Variants in EFCAB5 observed in about 807,000 individuals in gnomAD.
The protein encoded by EFCAB5 is EF-hand calcium-binding domain-containing protein 5.
Under a neutral mutation model 167.9 loss-of-function variants are expected in EFCAB5, and 131 were observed. That is an observed-to-expected ratio of 0.78 (90% CI 0.68 to 0.90). The LOEUF (loss-of-function observed/expected upper bound fraction) is 0.90. Among genes scored for constraint, EFCAB5 ranks in the 40% least tolerant of loss-of-function variants. The pLI, the probability that EFCAB5 is intolerant of heterozygous loss-of-function variation, is 0.00. For missense variants in EFCAB5, 1,663 were observed against 1,745.2 expected, an observed-to-expected ratio of 0.95 and a Z score of 0.84; for synonymous variants, 574 against 602.8, an observed-to-expected ratio of 0.95 and a Z score of 0.70.
In EFCAB5 at chr17:30,054,031, A is replaced by T. The variant is rs761995116; in HGVS notation, c.2077A>T (p.Ile693Phe). Residue 693 changes from isoleucine to phenylalanine, a missense_variant, in exon 10 of 23, where the codon ATT becomes TTT. By Grantham distance (21) the Ile-to-Phe change is conservative. Coordinates refer to ENST00000394835, the MANE Select transcript of EFCAB5 (RefSeq NM_198529.4). ...TGGGGAACCTATAACCTCTGAGTAC[A>T]TTGAAGTCCCTCTACAGGAAAAGAG... is the stretch of plus-strand genomic sequence containing the variant. ...KYGEPITSEY[I>F]EVPLQEKRSW... 2.8e-5 allele frequency: 45 copies of T among 1,606,828 alleles called. No individual in the cohort carries two copies. The highest frequency in any genetic ancestry group is 3.4e-6 in the Non-Finnish European group (4 of 1,176,036).
At chr17:29,938,283 C>T (rs2067262187), upstream of EFCAB5, among the ~76,000 whole-genome samples, 1 of 149,646 alleles carries the variant, frequency 6.7e-6, no homozygotes, top group Non-Finnish European at 1.5e-5. Context: ...AAAAAATGTG[C>T]ATATCTTAAT....
At chr17:29,940,247 T>C (rs1288951207), upstream of EFCAB5, among the ~76,000 whole-genome samples, 2 of 152,176 alleles carry the variant, frequency 1.3e-5, no homozygotes, top group African/African-American at 4.8e-5. Flanking sequence ...AGCTACTTTT[T>C]TGTATTTTTA....
At chr17:30,041,264 C>T (rs2069765974) in intron 8 of EFCAB5, among the ~76,000 whole-genome samples, 1 of 150,880 alleles carries the variant, frequency 6.6e-6, no homozygotes, top group Non-Finnish European at 1.5e-5. Flanking sequence ...CCATTAAGAA[C>T]ATTTGTGATT....
intron 4 of EFCAB5, among the ~76,000 whole-genome samples, chr17:29,989,151 T>C (rs1011997755): frequency 6.6e-6 from 1 of 152,222 alleles, no homozygotes; most frequent in Admixed American, 6.5e-5. Context: ...TACATATGGT[T>C]ACTTTCTGTG....
intron 3 of EFCAB5, among the ~76,000 whole-genome samples, chr17:29,968,070 T>C (rs1319090216): frequency 1.3e-5 from 2 of 152,032 alleles, no homozygotes; most frequent in African/African-American, 4.8e-5. Flanking sequence ...AAACAGCATC[T>C]TCCTAATGTT....
At chr17:30,016,640 G>T (rs1188159001) in intron 7 of EFCAB5, among the ~76,000 whole-genome samples, 1 of 152,024 alleles carries the variant, frequency 6.6e-6, no homozygotes, top group Non-Finnish European at 1.5e-5. Flanking sequence ...GTTCCAAAAG[G>T]TAGAAATATG....
chr17:29,930,111 C>T lies in EFCAB5; in HGVS notation c.-127+782C>T, dbSNP rs2067161638. 16 of 897,380 alleles carry T rather than the reference C, an allele frequency of 1.8e-5. No individual in the cohort carries two copies. The South Asian group carries it at 2.3e-4, about 13-fold the overall frequency. The allele number at this position is 897,380 out of a possible 1,614,324, so 55.6% of individuals were successfully genotyped here. On this transcript the variant is annotated intron_variant, in intron 1 of 3. Transcript: ENST00000448319. ...GGGTGCGGGGTGGGGGTGAAGGGAA[C>T]GGGGAGGAGGAGGAGGCCGCGGGAA...
intron 6 of EFCAB5, 124 bp downstream of exon 6, chr17:29,996,484 C>G: frequency 1.4e-6 from 1 of 708,620 alleles, no homozygotes; most frequent in Non-Finnish European, 2.4e-6. Context: ...GGCAATTAGG[C>G]TCTTCCATGC....
At position 30,090,408 on chromosome 17, in the gene EFCAB5, G is replaced by C. The variant is rs939938168; in HGVS notation, c.3684-13G>C. ...TGTTTAATATCCTTGTGCTTATTTG[G>C]TTTTGATTTCAGAGATTTCCTCTTT... On this transcript the variant is annotated splice_polypyrimidine_tract_variant and intron_variant, in intron 19 of 22. Transcript: ENST00000394835. The C allele has an allele frequency of 1.9e-6, 3 of 1,609,152 alleles. No homozygotes were observed. The highest frequency in any genetic ancestry group is 2.7e-5 in the African/African-American group (2 of 74,610).
At chr17:30,022,516 G>T (rs2069205685) in intron 7 of EFCAB5, among the ~76,000 whole-genome samples, 1 of 152,118 alleles carries the variant, frequency 6.6e-6, no homozygotes, top group South Asian at 2.1e-4. Flanking sequence ...ATTCATTGCT[G>T]CTGAGGGATG....
upstream of EFCAB5, among the ~76,000 whole-genome samples, chr17:29,937,493 C>T (rs1195262281): frequency 6.6e-6 from 1 of 152,128 alleles, no homozygotes; most frequent in Admixed American, 6.5e-5. Flanking sequence ...AGCCTCACTC[C>T]TGCTTCTTTC....
chr17:29,933,910 G>A (rs1343916942), intron 1 of EFCAB5, among the ~76,000 whole-genome samples: 1 of 152,050 alleles, frequency 6.6e-6, no homozygotes, highest in East Asian at 1.9e-4. Flanking sequence ...TATTTGTACA[G>A]CACACTGGGA....
At chr17:30,069,504 A>G (rs2070672208) in intron 14 of EFCAB5, 4 of 1,606,206 alleles carry the variant, frequency 2.5e-6, no homozygotes, top group Non-Finnish European at 3.4e-6. Context: ...GGGGCAACTG[A>G]AAATATCAAG....
intron 2 of EFCAB5, among the ~76,000 whole-genome samples, chr17:29,942,849 C>T (rs779199872): frequency 6.6e-6 from 1 of 152,046 alleles, no homozygotes; most frequent in Non-Finnish European, 1.5e-5. Flanking sequence ...ACCGGACTGG[C>T]CAACATAGCG....
At chr17:30,025,857 A>C (rs1165628490) in intron 7 of EFCAB5, among the ~76,000 whole-genome samples, 4 of 152,190 alleles carry the variant, frequency 2.6e-5, no homozygotes, top group Non-Finnish European at 5.9e-5. Context: ...TGATGAGTTC[A>C]CGTCCTTTGT....
chr17:29,994,403 G>A (rs777062994), intron 5 of EFCAB5, among the ~76,000 whole-genome samples: 85 of 151,854 alleles, frequency 5.6e-4, no homozygotes, highest in Non-Finnish European at 1.1e-3. Flanking sequence ...CCATCATGCC[G>A]TGTCTGAGAG....
Position 30,053,187 on chromosome 17 carries a change from A to G in EFCAB5, c.1301-68A>G, listed in dbSNP as rs955325371. 8 of 1,497,446 alleles carry G rather than the reference A, an allele frequency of 5.3e-6. No homozygotes were observed. The African/African-American group carries it at 9.8e-5, about 18-fold the overall frequency. The allele number at this position is 1,497,446 out of a possible 1,614,324, so 92.8% of individuals were successfully genotyped here. ...TGTGCTCAATGCTTTTCTTTGCATT[A>G]ATTTAATAGCTCTAATTCTGCATTA... is the stretch of plus-strand genomic sequence containing the variant. On this transcript the variant is annotated intron_variant, in intron 9 of 22. Coordinates refer to ENST00000394835, the MANE Select transcript of EFCAB5 (RefSeq NM_198529.4).
Position 30,057,715 on chromosome 17 carries a change from A to G in EFCAB5, c.2405A>G (p.Glu802Gly), listed in dbSNP as rs769145644. 6.2e-7 allele frequency: 1 copy of G among 1,613,718 alleles called. No homozygotes were observed. Among genetic ancestry groups the G allele is most frequent in the Non-Finnish European group, 8.5e-7 (1 of 1,179,698 alleles). The change falls in exon 13 of 23, where the codon GAG (glutamate) becomes GGG (glycine). Residue 802 changes from glutamate to glycine, a missense_variant. Transcript: ENST00000394835. ...ATCAGAAATATTCAGTCTTGCAAGG[A>G]GGTAAAAGGCAGAACTGCCTTCAAT... The part of the protein sequence containing the change: ...SIIRNIQSCK[E>G]VKGRTAFNGV...
intron 14 of EFCAB5, among the ~76,000 whole-genome samples, chr17:30,063,151 G>C (rs978841146): frequency 6.6e-6 from 1 of 152,154 alleles, no homozygotes; most frequent in African/African-American, 2.4e-5. Context: ...TGGACTCTTA[G>C]AGTCTGAGTG....
Sources: gnomAD v4.1 joint callset for allele counts (sites outside exome capture counted in the v4.1 genomes callset) on GRCh38, gnomAD v4.1.1 for gene constraint, MANE v1.5 for transcripts, NCBI Gene and HGNC (gene_info 2026-07-23, HGNC 2026-07-21) for gene names.